The following ZNF606 variants were observed in gnomAD, a reference collection of about 807,000 sequenced individuals.
The protein encoded by ZNF606 is zinc finger protein 328.
Under a neutral mutation model 74.9 loss-of-function variants are expected in ZNF606, and 37 were observed. The observed-to-expected ratio is 0.49, with a 90% CI of 0.38 to 0.65. The LOEUF (loss-of-function observed/expected upper bound fraction) is 0.65, where lower values mean the gene tolerates loss of function less well. ZNF606 is among the 30% of genes least tolerant of loss of function. ZNF606 has a pLI of 0.00. For missense variants in ZNF606, 852 were observed against 952.9 expected (o/e 0.89, Z 1.39); for synonymous variants, 328 against 312.4 (o/e 1.05, Z -0.53).
At chr19:57,988,528 A>G (rs2073200252) in intron 5 of ZNF606, 67 bp downstream of exon 5, 4 of 1,562,946 alleles carry the variant, frequency 2.6e-6, no homozygotes, top group South Asian at 2.4e-5. Flanking sequence ...ATGAGCTTCT[A>G]AACATGGAGC....
chr19:57,977,595 A>T lies in ZNF606; in HGVS notation c.*706T>A, dbSNP rs551944757. 6.6e-6 allele frequency: 1 copy of T among 152,458 alleles called. No individual in the cohort carries two copies. Among genetic ancestry groups the T allele is most frequent in the African/African-American group, 2.4e-5 (1 of 41,556 alleles). 9.4% of individuals were successfully genotyped at this position (152,458 alleles called of 1,614,324 possible). ...CAAATTACAAACTAATTGCCCAACAATGCAGTGATGAGTAACAATGGACGC... is the reference window on the plus strand; with the variant it reads ...CAAATTACAAACTAATTGCCCAACATTGCAGTGATGAGTAACAATGGACGC... On this transcript the variant is annotated 3_prime_UTR_variant, in exon 7 of 7. Coordinates refer to ENST00000551380, the MANE Select transcript of ZNF606 (RefSeq NM_001348022.3).
intron 4 of ZNF606, among the ~76,000 whole-genome samples, chr19:57,989,804 G>T (rs1299187027): frequency 2.0e-5 from 3 of 151,508 alleles, no homozygotes; most frequent in African/African-American, 7.3e-5. Context: ...TGTAATCCCA[G>T]CACTTTGAGA....
Position 57,979,591 on chromosome 19 carries a change from T to C in ZNF606, c.1089A>G (p.Gln363=). The change falls in exon 7 of 7, where the codon CAA becomes CAG. Residue 363 remains glutamine (Q), a synonymous_variant. Transcript: ENST00000551380. Reference sequence around the variant, plus strand: ...ACGCTTTCTCTACAGTACCAATTTTTTGATGTTCCATAAAGGATGAGAAAT... The same window carrying C: ...ACGCTTTCTCTACAGTACCAATTTTCTGATGTTCCATAAAGGATGAGAAAT... The part of the protein sequence containing the change: ...IFYFSSFMEH[Q]KIGTVEKAYK... 1 of 1,613,038 alleles carries C rather than the reference T, an allele frequency of 6.2e-7. No individual in the cohort carries two copies. Among genetic ancestry groups the C allele is most frequent in the Non-Finnish European group, 8.5e-7 (1 of 1,179,844 alleles).
Position 57,978,136 on chromosome 19 carries a change from T to A in ZNF606, c.*165A>T. ...TAAATAACTGCTGAAAGCTTTTCCC[T>A]ATTCTTTTCCTTCATGGGGTTTCTT... On this transcript the variant is annotated 3_prime_UTR_variant, in exon 7 of 7. Transcript: ENST00000551380. This position sits in a 1 kb window ranked among gnomAD's most constrained non-coding sequence, Gnocchi z 4.4. The A allele has an allele frequency of 1.5e-6, 1 of 674,824 alleles. No homozygotes were observed. The highest frequency in any genetic ancestry group is 2.3e-6 in the Non-Finnish European group (1 of 437,834). 41.8% of individuals were successfully genotyped at this position (674,824 alleles called of 1,614,324 possible).
intron 6 of ZNF606, among the ~76,000 whole-genome samples, chr19:57,986,945 C>T (rs1204361848): frequency 4.0e-5 from 6 of 151,882 alleles, no homozygotes; most frequent in Non-Finnish European, 8.8e-5. Flanking sequence ...TTTTAATTAA[C>T]TGAGCATGAC....
At chr19:57,991,494 A>T (rs1395748130) in intron 4 of ZNF606, among the ~76,000 whole-genome samples, 1 of 152,174 alleles carries the variant, frequency 6.6e-6, no homozygotes, top group Non-Finnish European at 1.5e-5. Context: ...ATGGTAATGT[A>T]AGGTTTTTTT....
Position 58,000,754 on chromosome 19 carries a change from C to T in ZNF606, c.32-15G>A, listed in dbSNP as rs1168545626. 6.4e-7 allele frequency: 1 copy of T among 1,550,868 alleles called. No individual in the cohort carries two copies. ...CGTAAGGGCACCTGCACAGAAGGATCAGGTTAGGACTGTGACACCAAACCT... is the reference window on the plus strand; with the variant it reads ...CGTAAGGGCACCTGCACAGAAGGATTAGGTTAGGACTGTGACACCAAACCT... On this transcript the variant is annotated splice_polypyrimidine_tract_variant and intron_variant, in intron 2 of 6. Transcript: ENST00000551380.
At chr19:58,000,785 T>C (rs2073414199) in intron 2 of ZNF606, 46 bp from the exon 3 acceptor site, 1 of 1,503,892 alleles carries the variant, frequency 6.6e-7, no homozygotes, top group Non-Finnish European at 8.9e-7. Flanking sequence ...AACCTAGTGA[T>C]TCAAGGCGAC....
In ZNF606 at chr19:58,002,542, G is replaced by A. The variant is rs1054234638; in HGVS notation, c.-198C>T. On this transcript the variant is annotated 5_prime_UTR_variant, in exon 1 of 7. Coordinates refer to ENST00000551380, the MANE Select transcript of ZNF606 (RefSeq NM_001348022.3). ...GGCGCGGCCTCGGGGACAAAGGCCC[G>A]CGGAGCCGACGTGCAGCAGAGTTCA... is the stretch of plus-strand genomic sequence containing the variant. The A allele has an allele frequency of 1.9e-5, 8 of 425,328 alleles. No individual in the cohort carries two copies. Among genetic ancestry groups the A allele is most frequent in the African/African-American group, 4.1e-5 (2 of 48,952 alleles). The allele number at this position is 425,328 out of a possible 1,614,324, so 26.3% of individuals were successfully genotyped here. A position where few individuals can be genotyped will look rare whatever the true frequency, so the allele number is the denominator to read the frequency against.
In ZNF606 at chr19:57,978,787, T is replaced by C. The variant is rs1568571988; in HGVS notation, c.1893A>G (p.Lys631=). The part of the protein sequence containing the change: ...IKPYECNKCG[K]SCSQMAHLVR... ...CAAGGTGAGCCATCTGGCTACAGGATTTTCCACATTTATTACATTCATAGG... is the reference window on the plus strand; with the variant it reads ...CAAGGTGAGCCATCTGGCTACAGGACTTTCCACATTTATTACATTCATAGG... The change falls in exon 7 of 7, where the codon AAA becomes AAG. Residue 631 remains lysine, a synonymous_variant. Coordinates refer to ENST00000551380, the MANE Select transcript of ZNF606 (RefSeq NM_001348022.3). This position sits in a 1 kb window ranked among gnomAD's most constrained non-coding sequence, Gnocchi z 4.4. The C allele has an allele frequency of 6.2e-7, 1 of 1,614,152 alleles. No individual in the cohort carries two copies. The highest frequency in any genetic ancestry group is 1.7e-5 in the Admixed American group (1 of 60,016).
chr19:58,000,737 C>T lies in ZNF606; in HGVS notation c.34G>A (p.Ala12Thr), dbSNP rs186468264. ...ATCCCCCAAGATTGGTCCGTAAGGG[C>T]ACCTGCACAGAAGGATCAGGTTAGG... Reference protein sequence around the residue: ...AAINPWASWGALTDQSWGMTA... With the variant: ...AAINPWASWGTLTDQSWGMTA... Residue 12 changes from alanine (A) to threonine (T), a missense_variant and splice_region_variant, in exon 3 of 7, where the codon GCC (alanine) becomes ACC (threonine). Coordinates refer to ENST00000551380, the MANE Select transcript of ZNF606 (RefSeq NM_001348022.3). The T allele has an allele frequency of 6.2e-7, 1 of 1,602,544 alleles. No individual in the cohort carries two copies. The highest frequency in any genetic ancestry group is 1.7e-5 in the Admixed American group (1 of 59,242).
chr19:58,000,789 A>G (rs1452724200), intron 2 of ZNF606, 50 bp from the exon 3 acceptor site: 1 of 1,502,132 alleles, frequency 6.7e-7, no homozygotes, highest in African/African-American at 1.4e-5. Flanking sequence ...TAGTGATTCA[A>G]GGCGACAAAA....
At chr19:57,983,592 G>T (rs1396572073) in intron 6 of ZNF606, among the ~76,000 whole-genome samples, 1 of 149,288 alleles carries the variant, frequency 6.7e-6, no homozygotes, top group Non-Finnish European at 1.5e-5. Context: ...AAAAAAAAAA[G>T]AAAAGAAAAA....
Position 57,980,711 on chromosome 19 carries a change from T to A in ZNF606, c.401-432A>T, listed in dbSNP as rs145970840. ...TTAGCCAGGTGTGGTGGCGGGTGCC[T>A]GTAGTCCCAGCTGCTCAGGAGGCTG... On this transcript the variant is annotated intron_variant, in intron 6 of 6. Coordinates refer to ENST00000551380, the MANE Select transcript of ZNF606 (RefSeq NM_001348022.3). 4.9e-3 allele frequency among the ~76,000 whole-genome samples: 751 copies of A among 152,034 alleles called. 4 individuals are homozygous for A. Among genetic ancestry groups the A allele is most frequent in the African/African-American group, 0.017 (705 of 41,474 alleles).
chr19:57,980,008 G>A lies in ZNF606; in HGVS notation c.672C>T (p.Asn224=), dbSNP rs762523071. The A allele has an allele frequency of 8.4e-5, 135 of 1,613,592 alleles. No homozygotes were observed. Among genetic ancestry groups the A allele is most frequent in the Non-Finnish European group, 1.1e-4 (131 of 1,180,040 alleles). The stretch of plus-strand genomic sequence containing the variant: ...GAGAAACTCTCTGAGATGGAACAAA[G>A]TTTAAGTTCTGGCTAAACTCTGCCC... ...GLGAEFSQNL[N]FVPSQRVSQI... is the part of the protein sequence containing the mutation. The change falls in exon 7 of 7, where the codon AAC becomes AAT. Residue 224 remains asparagine, a synonymous_variant. Coordinates refer to ENST00000551380, the MANE Select transcript of ZNF606 (RefSeq NM_001348022.3).
Position 57,979,080 on chromosome 19 carries a change from G to A in ZNF606, c.1600C>T (p.His534Tyr). 1 of 1,614,088 alleles carries A rather than the reference G, an allele frequency of 6.2e-7. No individual in the cohort carries two copies. Among genetic ancestry groups the A allele is most frequent in the African/African-American group, 1.3e-5 (1 of 75,016 alleles). The change falls in exon 7 of 7, where the codon CAT becomes TAT. Residue 534 changes from histidine to tyrosine, a missense_variant. His to Tyr is a moderately conservative substitution (Grantham distance 83, BLOSUM62 2). This residue lies in a region of ZNF606 where 243 missense variants were observed against 359.2 expected (regional missense o/e 0.68). Coordinates refer to ENST00000551380, the MANE Select transcript of ZNF606 (RefSeq NM_001348022.3). ...CATTTAAAGGGTTTCTCTCCAGTAT[G>A]CATTCTCATATGGGCAATAAGATGG... ...SSHLIAHMRM[H>Y]TGEKPFKCDE...
chr19:57,989,658 G>A (rs920256676), intron 4 of ZNF606, among the ~76,000 whole-genome samples: 1 of 151,762 alleles, frequency 6.6e-6, no homozygotes, highest in Admixed American at 6.6e-5. Context: ...TGTTGGCCAG[G>A]CTGGTCTCGA....
In ZNF606 at chr19:58,000,676, G is replaced by C. The variant is rs770207559; in HGVS notation, c.88+7C>G. ...GCAGCCCACAGCTGACCAGGCTCTT[G>C]ACTCACCCCAGGAGGCCCATGGGTC... is the stretch of plus-strand genomic sequence containing the variant. On this transcript the variant is annotated splice_region_variant and intron_variant, in intron 3 of 6. Coordinates refer to ENST00000551380, the MANE Select transcript of ZNF606 (RefSeq NM_001348022.3). 21 of 1,613,890 alleles carry C rather than the reference G, an allele frequency of 1.3e-5. 1 individual carries two copies. The highest frequency in any genetic ancestry group is 4.4e-5 in the South Asian group (4 of 90,982).
At chr19:58,000,768 G>A (rs367870955) in intron 2 of ZNF606, 29 bp from the exon 3 acceptor site, 21 of 1,536,522 alleles carry the variant, frequency 1.4e-5, no homozygotes, top group African/African-American at 2.8e-5. Flanking sequence ...TTAGGACTGT[G>A]ACACCAAACC....
Sources: allele counts gnomAD v4.1 joint callset (sites outside exome capture counted in the v4.1 genomes callset), GRCh38; gene constraint gnomAD v4.1.1; regional missense constraint gnomAD v4.1.1; non-coding constraint Gnocchi (gnomAD v3.1); transcripts MANE v1.5; gene names NCBI Gene and HGNC (gene_info 2026-07-23, HGNC 2026-07-21).